The following NPL variants were observed in gnomAD, a reference collection of about 807,000 sequenced individuals.
NPL encodes the protein N-acetylneuraminate lyase.
NPL carries 32 observed loss-of-function variants against 41.1 expected under a neutral mutation model. The ratio of observed to expected loss-of-function variants is 0.78; its 90% CI spans 0.59 to 1.05. The LOEUF (loss-of-function observed/expected upper bound fraction) is 1.05, where lower values mean the gene tolerates loss of function less well. Ranked by LOEUF, NPL falls within the 50% of genes least tolerant of loss-of-function variation. NPL has a pLI of 0.00. For synonymous variants in NPL, 128 were observed against 134.9 expected, an observed-to-expected ratio of 0.95 and a Z score of 0.35; for missense variants, 321 against 378.4, an observed-to-expected ratio of 0.85 and a Z score of 1.26.
chr1:182,806,554 G>T, intron 5 of NPL: 3 of 1,535,062 alleles, frequency 2.0e-6, no homozygotes, highest in Non-Finnish European at 2.6e-6. Flanking sequence ...GGTGGTGACG[G>T]ACTCTGCTGG....
intron 7 of NPL, 101 bp from the exon 8 acceptor site, chr1:182,816,613 T>A (rs1383027515): frequency 1.4e-5 from 12 of 850,800 alleles, no homozygotes; most frequent in Admixed American, 5.9e-5. Context: ...TTGAGGCTTC[T>A]GAGAAACATG....
At chr1:182,814,900 A>T (rs759831901) in intron 7 of NPL, 42 bp downstream of exon 7, 1 of 1,459,028 alleles carries the variant, frequency 6.9e-7, no homozygotes, top group Non-Finnish European at 9.6e-7. Flanking sequence ...CACATGGTCC[A>T]CTTCTTCTTG....
Position 182,803,714 on chromosome 1 carries a change from G to T in NPL, c.85G>T (p.Val29Leu). The part of the protein sequence containing the change: ...MTENGEINFS[V>L]IGQYVDYLVK... ...GTCTTCTAGAGAAATCAACTTTTCA[G>T]TAATTGGTCAGTATGTGGATTATCT... Residue 29 changes from valine to leucine, a missense_variant, in exon 4 of 13, where the codon GTA becomes TTA. Val to Leu is a conservative substitution (Grantham distance 32). Transcript: ENST00000367553. 1 of 1,612,712 alleles carries T rather than the reference G, an allele frequency of 6.2e-7. No individual in the cohort carries two copies. The highest frequency in any genetic ancestry group is 8.5e-7 in the Non-Finnish European group (1 of 1,178,734).
chr1:182,809,196 A>G (rs1020486412), intron 5 of NPL: 17 of 448,688 alleles, frequency 3.8e-5, no homozygotes, highest in Non-Finnish European at 6.7e-5. Flanking sequence ...TCAAACCATC[A>G]TAAGTTGGGG....
In NPL at chr1:182,789,807, T is replaced by C. The variant is rs1441532003; in HGVS notation, c.-72+2T>C. The C allele has an allele frequency of 6.6e-6, 1 of 152,400 alleles. No individual in the cohort carries two copies. Among genetic ancestry groups the C allele is most frequent in the African/African-American group, 2.4e-5 (1 of 41,400 alleles). The allele number at this position is 152,400 out of a possible 1,614,324, so 9.4% of individuals were successfully genotyped here. A position where few individuals can be genotyped will look rare whatever the true frequency, so the allele number is the denominator to read the frequency against. Reference sequence around the variant, plus strand: ...GCACGGACAAGAGCGGAGGCCTGGGTGAGCGCGGCCCGCGACGGCACGGGC... The same window carrying C: ...GCACGGACAAGAGCGGAGGCCTGGGCGAGCGCGGCCCGCGACGGCACGGGC... On this transcript the variant is annotated splice_donor_variant, in intron 1 of 12. Transcript: ENST00000367553. LOFTEE classifies it low-confidence loss of function (5UTR_SPLICE).
At chr1:182,794,039 C>T (rs1318638444) in intron 2 of NPL, among the ~76,000 whole-genome samples, 1 of 152,110 alleles carries the variant, frequency 6.6e-6, no homozygotes, top group Non-Finnish European at 1.5e-5. Flanking sequence ...TTTTACTTAC[C>T]TGAGTTAGGT....
At chr1:182,815,568 C>G (rs190230105) in intron 7 of NPL, among the ~76,000 whole-genome samples, 5 of 151,942 alleles carry the variant, frequency 3.3e-5, no homozygotes, top group Non-Finnish European at 7.4e-5. Context: ...TTATAAATTG[C>G]GAGTTTAAAA....
rs913820219 is a variant in NPL at position 182,828,979 on chromosome 1, G to A, written c.*71G>A. ...CTTAAATAGTGCATTTTTTTCTCAG[G>A]GAATTTTAGATGAACTTGAATAAAC... On this transcript the variant is annotated 3_prime_UTR_variant, in exon 13 of 13. Coordinates refer to ENST00000367553, the MANE Select transcript of NPL (RefSeq NM_030769.3). This position sits in a 1 kb window ranked among gnomAD's most constrained non-coding sequence, Gnocchi z 4.0. 5.6e-6 allele frequency: 9 copies of A among 1,603,832 alleles called. No individual in the cohort carries two copies. In the African/African-American group the frequency reaches 8.0e-5, roughly 14 times the overall value.
In NPL at chr1:182,828,718, G is replaced by A. The variant is rs111628840; in HGVS notation, c.779-6G>A. On this transcript the variant is annotated splice_polypyrimidine_tract_variant and splice_region_variant and intron_variant, in intron 12 of 12. Transcript: ENST00000367553. The surrounding 1 kb of genome is among the most constrained non-coding windows in gnomAD (Gnocchi z 4.0). ...TCATGTTTCCTCATTTGTTTTTCCC[G>A]TCTAGGTTTTGGAGTGTCACAGACC... The A allele has an allele frequency of 2.2e-5, 35 of 1,614,106 alleles. No homozygotes were observed. The highest frequency in any genetic ancestry group is 8.8e-5 in the South Asian group (8 of 91,082).
chr1:182,828,854 G>A lies in NPL; in HGVS notation c.909G>A (p.Leu303=). 6.2e-7 allele frequency: 1 copy of A among 1,614,176 alleles called. No individual in the cohort carries two copies. Among genetic ancestry groups the A allele is most frequent in the Non-Finnish European group, 8.5e-7 (1 of 1,180,024 alleles). ...GTGCTGAAGCTAAACTGAAGAGCCT[G>A]GATTTCCTTTCTTTCACTGATTTAA... is the stretch of plus-strand genomic sequence containing the variant. ...TDSAEAKLKS[L]DFLSFTDLKD... Residue 303 remains leucine (L), a synonymous_variant, in exon 13 of 13, where the codon CTG becomes CTA. Transcript: ENST00000367553. The surrounding 1 kb of genome is among the most constrained non-coding windows in gnomAD (Gnocchi z 4.0).
chr1:182,811,709 C>T (rs1245567718), intron 5 of NPL, among the ~76,000 whole-genome samples: 2 of 152,162 alleles, frequency 1.3e-5, no homozygotes, highest in South Asian at 4.1e-4. Context: ...ACACATTTAA[C>T]GATTTTCAGC....
Position 182,829,421 on chromosome 1 carries a change from T to G in NPL, c.*513T>G, listed in dbSNP as rs1169122934. ...TACACCAGCTCATTTGGCTGCTCAG[T>G]CTAACTCTAGAATGGATGCTTTTGA... On this transcript the variant is annotated 3_prime_UTR_variant, in exon 13 of 13. Transcript: ENST00000367553. The G allele has an allele frequency of 1.4e-6, 2 of 1,405,494 alleles. No homozygotes were observed. The highest frequency in any genetic ancestry group is 2.9e-5 in the African/African-American group (2 of 68,778). The allele number at this position is 1,405,494 out of a possible 1,614,324, so 87.1% of individuals were successfully genotyped here.
intron 7 of NPL, among the ~76,000 whole-genome samples, chr1:182,815,407 A>G (rs1667295920): frequency 6.6e-6 from 1 of 152,220 alleles, no homozygotes; most frequent in Non-Finnish European, 1.5e-5. Flanking sequence ...CAAAAAAAGA[A>G]GTATAAATTT....
At chr1:182,819,224 AG>A (rs1167184497) in intron 10 of NPL, among the ~76,000 whole-genome samples, 1 of 152,196 alleles carries the variant, frequency 6.6e-6, no homozygotes, top group Non-Finnish European at 1.5e-5. Context: ...TGGGAGGCCA[AG>A]GCGGGTGGAT....
At chr1:182,817,344 C>T (rs543124964) in intron 8 of NPL, among the ~76,000 whole-genome samples, 1 of 152,300 alleles carries the variant, frequency 6.6e-6, no homozygotes, top group African/African-American at 2.4e-5. Flanking sequence ...ACTTTATAAA[C>T]ATTCTGAGGA....
chr1:182,799,866 G>T (rs769795627), intron 3 of NPL, among the ~76,000 whole-genome samples: 16 of 152,212 alleles, frequency 1.1e-4, no homozygotes, highest in Non-Finnish European at 1.9e-4. Context: ...CATGGAATTT[G>T]GTTCTGGGTC....
At chr1:182,803,883 T>G (rs1057144252) in intron 4 of NPL, 112 bp downstream of exon 4, 2 of 837,636 alleles carry the variant, frequency 2.4e-6, no homozygotes, top group South Asian at 2.7e-5. Context: ...CAGGTTATGA[T>G]GGAGCCTGGC....
chr1:182,795,367 C>T (rs543418671), intron 3 of NPL, among the ~76,000 whole-genome samples: 4 of 152,256 alleles, frequency 2.6e-5, no homozygotes, highest in South Asian at 2.1e-4. Flanking sequence ...AGGGTCAATA[C>T]GCACTTAGGT....
At chr1:182,827,517 T>C (rs1044701974) in intron 12 of NPL, among the ~76,000 whole-genome samples, 1 of 152,234 alleles carries the variant, frequency 6.6e-6, no homozygotes, top group African/African-American at 2.4e-5. Flanking sequence ...ATTTAACATA[T>C]CTTTCTATGC....
Sources: allele counts gnomAD v4.1 joint callset (sites outside exome capture counted in the v4.1 genomes callset), GRCh38; gene constraint gnomAD v4.1.1; non-coding constraint Gnocchi (gnomAD v3.1); transcripts MANE v1.5; gene names NCBI Gene and HGNC (gene_info 2026-07-23, HGNC 2026-07-21).